TMCO4: variants seen among roughly 807,000 people sequenced by gnomAD.
TMCO4 encodes the protein transmembrane and coiled-coil domain-containing protein 4.
In TMCO4, 58 loss-of-function variants were observed where a neutral mutation model predicts 64.7. The observed-to-expected ratio is 0.90, with a 90% CI of 0.73 to 1.12. The LOEUF is 1.12. TMCO4 is among the 50% of genes most tolerant of loss of function. TMCO4 has a pLI of 0.00. For missense variants in TMCO4, 780 were observed against 825.9 expected (o/e 0.94, Z 0.68); for synonymous variants, 325 against 346.1 (o/e 0.94, Z 0.68).
At chr1:19,739,803 C>T in intron 12 of TMCO4, 21 bp downstream of exon 12, 1 of 1,609,970 alleles carries the variant, frequency 6.2e-7, no homozygotes, top group Non-Finnish European at 8.5e-7. Flanking sequence ...ATGCCACGCC[C>T]ACACAGCCAT....
At chr1:19,770,213 G>A (rs1271446044) in intron 6 of TMCO4, among the ~76,000 whole-genome samples, 1 of 152,244 alleles carries the variant, frequency 6.6e-6, no homozygotes. Flanking sequence ...AGGCCAGTGA[G>A]AAGGCCCTGC....
In TMCO4 at chr1:19,780,694, G is replaced by A; in HGVS notation, c.65C>T (p.Ala22Val). The part of the protein sequence containing the change: ...PQQPLVAEPT[A>V]EGEPHLPTGR... ...CGTGGGCAGGTGTGGCTCCCCCTCTGCAGTGGGCTCAGCTACCAGAGGCTG... is the reference window on the plus strand; with the variant it reads ...CGTGGGCAGGTGTGGCTCCCCCTCTACAGTGGGCTCAGCTACCAGAGGCTG... The change falls in exon 4 of 16, where the codon GCA becomes GTA. Residue 22 changes from alanine (A) to valine (V), a missense_variant. By Grantham distance (64) the Ala-to-Val change is moderately conservative. Coordinates refer to ENST00000294543, the MANE Select transcript of TMCO4 (RefSeq NM_181719.7). 1 of 1,613,658 alleles carries A rather than the reference G, an allele frequency of 6.2e-7. No homozygotes were observed. Among genetic ancestry groups the A allele is most frequent in the Non-Finnish European group, 8.5e-7 (1 of 1,179,938 alleles).
intron 6 of TMCO4, among the ~76,000 whole-genome samples, chr1:19,757,590 C>T (rs1309778971): frequency 1.3e-5 from 2 of 152,182 alleles, no homozygotes; most frequent in Non-Finnish European, 2.9e-5. Flanking sequence ...TATTCCATCA[C>T]TTAACCCTTG....
intron 2 of TMCO4, among the ~76,000 whole-genome samples, chr1:19,794,508 T>C (rs2044207065): frequency 6.6e-6 from 1 of 152,214 alleles, no homozygotes; most frequent in African/African-American, 2.4e-5. Context: ...GCAAAGTTTG[T>C]AATAGTCCAT....
chr1:19,776,395 G>A (rs2043205532), intron 4 of TMCO4, among the ~76,000 whole-genome samples: 1 of 152,184 alleles, frequency 6.6e-6, no homozygotes, highest in Non-Finnish European at 1.5e-5. Context: ...GGGAGACACA[G>A]GACAGTAACT....
Position 19,682,511 on chromosome 1 carries a change from A to G in TMCO4, c.*529T>C. On this transcript the variant is annotated 3_prime_UTR_variant, in exon 16 of 16. Coordinates refer to ENST00000294543, the MANE Select transcript of TMCO4 (RefSeq NM_181719.7). ...GGCAGATCTGATTGGATCTCCTAAG[A>G]GCAGGAGTGAGCTGCCTTCTTTGTA... The G allele has an allele frequency of 1.5e-6, 1 of 687,058 alleles. No homozygotes were observed. The highest frequency in any genetic ancestry group is 2.7e-6 in the Non-Finnish European group (1 of 369,486). The allele number at this position is 687,058 out of a possible 1,614,324, so 42.6% of individuals were successfully genotyped here.
intron 13 of TMCO4, among the ~76,000 whole-genome samples, chr1:19,721,063 C>G (rs368540991): frequency 6.6e-6 from 1 of 152,136 alleles, no homozygotes; most frequent in African/African-American, 2.4e-5. Flanking sequence ...TCTCTCCAAC[C>G]TCAGAGGAAT....
rs1020932340 is a variant in TMCO4, at chr1:19,682,369, TCAC to T, written c.*668_*670del. 3.9e-4 allele frequency: 187 copies of T among 477,198 alleles called. 1 individual carries two copies. Among genetic ancestry groups the T allele is most frequent in the Admixed American group, 2.4e-3 (74 of 30,622 alleles). 29.6% of individuals were successfully genotyped at this position (477,198 alleles called of 1,614,324 possible). A position where few individuals can be genotyped will look rare whatever the true frequency, so the allele number is the denominator to read the frequency against. The stretch of plus-strand genomic sequence containing the variant: ...ATACTGAATGCAATTCAGCATGTAT[TCAC>T]CATGCTCTGTTAGTGGTGTCCAGAT... On this transcript the variant is annotated 3_prime_UTR_variant, in exon 16 of 16. Coordinates refer to ENST00000294543, the MANE Select transcript of TMCO4 (RefSeq NM_181719.7).
Position 19,700,880 on chromosome 1 carries a change from G to A in TMCO4, c.1270C>T (p.Gln424Ter), listed in dbSNP as rs369918514. Residue 424 changes from glutamine (Q) to a stop codon, truncating the protein, a stop_gained, in exon 14 of 16, where the codon CAA becomes TAA. Coordinates refer to ENST00000294543, the MANE Select transcript of TMCO4 (RefSeq NM_181719.7). LOFTEE classifies it high-confidence loss of function. ...AGGATGACGTCCTCGATGATTCCTT[G>A]GCAATCTGGCAAAAGACCCCAGAAA... The part of the protein sequence containing the change: ...LQEMAQEKDC[Q>*]GIIEDVILLG... 3 of 1,614,080 alleles carry A rather than the reference G, an allele frequency of 1.9e-6. No individual in the cohort carries two copies. Among genetic ancestry groups the A allele is most frequent in the Non-Finnish European group, 1.7e-6 (2 of 1,179,940 alleles).
chr1:19,766,033 T>C (rs1162605236), intron 6 of TMCO4, among the ~76,000 whole-genome samples: 1 of 151,278 alleles, frequency 6.6e-6, no homozygotes, highest in Non-Finnish European at 1.5e-5. Context: ...CTCGCCCTCC[T>C]TCTCTCCATC....
intron 14 of TMCO4, among the ~76,000 whole-genome samples, chr1:19,694,995 G>T (rs2095226181): frequency 1.3e-5 from 2 of 152,232 alleles, no homozygotes. Context: ...AGCAGAGAAG[G>T]TCCACCTGTG....
chr1:19,700,662 A>T, intron 14 of TMCO4, 106 bp downstream of exon 14: 1 of 1,069,250 alleles, frequency 9.4e-7, no homozygotes, highest in Non-Finnish European at 1.4e-6. Flanking sequence ...GGGATCTTCC[A>T]GGACAGGGAT....
intron 13 of TMCO4, among the ~76,000 whole-genome samples, chr1:19,705,952 G>A (rs1180374055): frequency 6.6e-6 from 1 of 151,998 alleles, no homozygotes; most frequent in Non-Finnish European, 1.5e-5. Flanking sequence ...CCAGGCTGGA[G>A]TGCTGTGGCG....
Position 19,745,667 on chromosome 1 carries a change from C to T in TMCO4, c.758-16G>A, listed in dbSNP as rs753699468. 1.1e-4 allele frequency: 168 copies of T among 1,595,106 alleles called. No individual in the cohort carries two copies. The highest frequency in any genetic ancestry group is 3.3e-4 in the Middle Eastern group (2 of 5,992). On this transcript the variant is annotated splice_polypyrimidine_tract_variant and intron_variant, in intron 9 of 15. Coordinates refer to ENST00000294543, the MANE Select transcript of TMCO4 (RefSeq NM_181719.7). ...ATCTTGTATCCTAAAGACCCAGATC[C>T]GAGAAAGAGAATGGAGGTGACTGGG... is the stretch of plus-strand genomic sequence containing the variant.
rs2041632313 is a variant in TMCO4 at position 19,743,641 on chromosome 1, T to C, written c.877+1891A>G. On this transcript the variant is annotated intron_variant, in intron 10 of 15. Transcript: ENST00000294543. The surrounding 1 kb of genome is among the most constrained non-coding windows in gnomAD (Gnocchi z 4.1). The stretch of plus-strand genomic sequence containing the variant: ...AACAAATAGGGGCAAACTGAACAAG[T>C]GGGGGCAAAATGAAGAAAGGAGTTT... 1.3e-5 allele frequency among the ~76,000 whole-genome samples: 2 copies of C among 152,028 alleles called. No homozygotes were observed. Among genetic ancestry groups the C allele is most frequent in the Non-Finnish European group, 2.9e-5 (2 of 67,994 alleles).
chr1:19,775,160 G>T (rs2043153111), intron 4 of TMCO4, among the ~76,000 whole-genome samples: 1 of 152,166 alleles, frequency 6.6e-6, no homozygotes, highest in African/African-American at 2.4e-5. Flanking sequence ...TGCCTCCCAG[G>T]TTCAAGCGAT....
intron 15 of TMCO4, among the ~76,000 whole-genome samples, chr1:19,689,446 G>T (rs1260344652): frequency 6.6e-6 from 1 of 152,312 alleles, no homozygotes; most frequent in East Asian, 1.9e-4. Flanking sequence ...TAGGATTAAA[G>T]GAGGGCCTAC....
intron 12 of TMCO4, among the ~76,000 whole-genome samples, chr1:19,738,665 G>A (rs925072324): frequency 2.0e-5 from 3 of 152,228 alleles, no homozygotes; most frequent in Non-Finnish European, 4.4e-5. Context: ...CCTGCCGAAG[G>A]ATTTTCTGTT....
At chr1:19,782,701 G>A (rs568750272) in intron 3 of TMCO4, among the ~76,000 whole-genome samples, 18 of 152,274 alleles carry the variant, frequency 1.2e-4, no homozygotes, top group African/African-American at 3.6e-4. Flanking sequence ...GAGGGGACAC[G>A]CCAAGAAGGC....
Sources: gnomAD v4.1 joint callset for allele counts (sites outside exome capture counted in the v4.1 genomes callset) on GRCh38, gnomAD v4.1.1 for gene constraint, Gnocchi (gnomAD v3.1) non-coding constraint, MANE v1.5 for transcripts, NCBI Gene and HGNC (gene_info 2026-07-23, HGNC 2026-07-21) for gene names.